Variants in CLTB observed in about 807,000 individuals in gnomAD.
CLTB encodes the protein clathrin, light chain (Lcb).
Under a neutral mutation model 30.5 loss-of-function variants are expected in CLTB, and 10 were observed. The observed-to-expected ratio is 0.33, with a 90% CI of 0.20 to 0.56. The LOEUF (loss-of-function observed/expected upper bound fraction) is 0.56. Ranked by LOEUF, CLTB falls within the 20% of genes least tolerant of loss-of-function variation. The pLI is 0.91. For missense variants in CLTB, 261 were observed against 308.3 expected, an observed-to-expected ratio of 0.85 and a Z score of 1.15; for synonymous variants, 102 against 120.3, an observed-to-expected ratio of 0.85 and a Z score of 1.00.
Position 176,416,303 on chromosome 5 carries a change from C to G in CLTB, c.61G>C (p.Glu21Gln). ...GCCAGGAAGGCGGCCGCCGGGTCCT[C>G]CTCCGCCGCCTCCGGGGCACCGCTC... ...SESGAPEAAE[E>Q]DPAAAFLAQQ... The change falls in exon 1 of 6, where the codon GAG becomes CAG. Residue 21 changes from glutamate (E) to glutamine (Q), a missense_variant. By Grantham distance (29) the Glu-to-Gln change is conservative (BLOSUM62 2). Transcript: ENST00000310418. 6.2e-7 allele frequency: 1 copy of G among 1,604,732 alleles called. No homozygotes were observed.
chr5:176,416,122 C>A (rs1289176021), intron 1 of CLTB, 55 bp downstream of exon 1: 10 of 1,432,912 alleles, frequency 7.0e-6, no homozygotes, highest in Admixed American at 6.3e-5. Flanking sequence ...GGGCCCCGGC[C>A]GGGGTCCCCC....
intron 2 of CLTB, among the ~76,000 whole-genome samples, chr5:176,404,435 G>T (rs1279792869): frequency 6.6e-6 from 1 of 152,178 alleles, no homozygotes; most frequent in Non-Finnish European, 1.5e-5. Context: ...CCTCTAATTC[G>T]CATTTTACAA....
At chr5:176,396,673 A>G in intron 4 of CLTB, 141 bp from the exon 5 acceptor site, 2 of 722,404 alleles carry the variant, frequency 2.8e-6, no homozygotes, top group Admixed American at 4.0e-5. Flanking sequence ...TAGTTCTGGA[A>G]GGCTCAGCAA....
intron 1 of CLTB, among the ~76,000 whole-genome samples, chr5:176,413,835 A>T (rs1757566825): frequency 6.6e-6 from 1 of 152,120 alleles, no homozygotes; most frequent in Non-Finnish European, 1.5e-5. Flanking sequence ...CCAACTAAGG[A>T]GGGCAGCTGA....
chr5:176,392,701 C>A lies in CLTB; in HGVS notation c.*73G>T. On this transcript the variant is annotated 3_prime_UTR_variant, in exon 6 of 6. Coordinates refer to ENST00000310418, the MANE Select transcript of CLTB (RefSeq NM_007097.5). This position sits in a 1 kb window ranked among gnomAD's most constrained non-coding sequence, Gnocchi z 5.2. ...GGGTAGCAGCTGCTGCGAGTCTCCA[C>A]CCCGACCAAAGCAGCTGCTCCTCCT... 1 of 1,555,230 alleles carries A rather than the reference C, an allele frequency of 6.4e-7. No homozygotes were observed. The highest frequency in any genetic ancestry group is 1.1e-5 in the South Asian group (1 of 87,554).
rs34807992 is a variant in CLTB at position 176,403,049 on chromosome 5, A to ATTT, written c.235-5005_235-5003dup. 2.8e-4 allele frequency among the ~76,000 whole-genome samples: 38 copies of ATTT among 138,014 alleles called. 1 individual carries two copies. The highest frequency in any genetic ancestry group is 3.8e-3 in the Middle Eastern group (1 of 266). The allele number at this position is 138,014 out of a possible 152,430, so 90.5% of individuals were successfully genotyped here. On this transcript the variant is annotated intron_variant, in intron 2 of 5. Transcript: ENST00000310418. ...CGCCATCTCCATAAAGCCTGCCCTA[A>ATTT]TTTTTTTTTTTTTTTTTTGAGGCGG...
At chr5:176,415,996 C>T (rs1757672828) in intron 1 of CLTB, among the ~76,000 whole-genome samples, 181 bp downstream of exon 1, 1 of 152,212 alleles carries the variant, frequency 6.6e-6, no homozygotes, top group African/African-American at 2.4e-5. Flanking sequence ...CAGCCCCAGG[C>T]GAGGCCTCAT....
chr5:176,397,765 A>C, intron 3 of CLTB, 47 bp from the exon 4 acceptor site: 1 of 1,578,564 alleles, frequency 6.3e-7, no homozygotes, highest in Middle Eastern at 1.7e-4. Context: ...GCTGGGATGC[A>C]CAGGCCCGGC....
intron 2 of CLTB, among the ~76,000 whole-genome samples, chr5:176,408,798 G>C (rs995584574): frequency 3.3e-5 from 5 of 152,198 alleles, no homozygotes; most frequent in Admixed American, 1.3e-4. Flanking sequence ...GGGATTACAG[G>C]CGTAAGCCGC....
chr5:176,400,211 A>G (rs183007067), intron 2 of CLTB, among the ~76,000 whole-genome samples: 1 of 151,954 alleles, frequency 6.6e-6, no homozygotes, highest in East Asian at 1.9e-4. Context: ...AAAAAAAAGA[A>G]AGAAAGAAAG....
At chr5:176,414,426 T>C (rs901396461) in intron 1 of CLTB, among the ~76,000 whole-genome samples, 30 of 142,828 alleles carry the variant, frequency 2.1e-4, no homozygotes, top group Admixed American at 1.5e-3. Flanking sequence ...GTGACTGCTA[T>C]AGAATCTTTT....
Position 176,416,161 on chromosome 5 carries a change from C to T in CLTB, c.187+16G>A. 3.2e-6 allele frequency: 5 copies of T among 1,553,712 alleles called. No homozygotes were observed. Among genetic ancestry groups the T allele is most frequent in the Non-Finnish European group, 4.3e-6 (5 of 1,156,964 alleles). The stretch of plus-strand genomic sequence containing the variant: ...TGCGCGCCCTGAGCCCCTCTCCAGG[C>T]CCCGCGCTGACTCACCCCCACTCGT... On this transcript the variant is annotated intron_variant, in intron 1 of 5. Coordinates refer to ENST00000310418, the MANE Select transcript of CLTB (RefSeq NM_007097.5).
At chr5:176,414,069 G>T (rs1757578893) in intron 1 of CLTB, among the ~76,000 whole-genome samples, 1 of 152,164 alleles carries the variant, frequency 6.6e-6, no homozygotes, top group Admixed American at 6.5e-5. Flanking sequence ...AGCTCCCTCA[G>T]GCATCTGGCT....
intron 2 of CLTB, among the ~76,000 whole-genome samples, chr5:176,404,221 T>A (rs1756982682): frequency 6.6e-6 from 1 of 152,218 alleles, no homozygotes; most frequent in African/African-American, 2.4e-5. Flanking sequence ...ATAGTTTGTG[T>A]GCCTGCTTGT....
intron 2 of CLTB, chr5:176,401,683 C>T (rs1465942559): frequency 2.2e-6 from 1 of 455,494 alleles, no homozygotes; most frequent in Admixed American, 2.4e-5. Flanking sequence ...ACTCGCTCGC[C>T]TTGTGTTGCA....
At position 176,416,408 on chromosome 5, in the gene CLTB, C is replaced by T. The variant is rs770301848; in HGVS notation, c.-45G>A. ...GAGCCTCCGCTGCGCTCGGCTCTGC[C>T]CGCGCCTGCCCCGCGCTGCGTCCGG... On this transcript the variant is annotated 5_prime_UTR_variant, in exon 1 of 6. Transcript: ENST00000310418. 1.6e-5 allele frequency: 23 copies of T among 1,473,048 alleles called. No individual in the cohort carries two copies. Among genetic ancestry groups the T allele is most frequent in the Non-Finnish European group, 1.6e-5 (18 of 1,114,718 alleles). 91.2% of individuals were successfully genotyped at this position (1,473,048 alleles called of 1,614,324 possible). A position where few individuals can be genotyped will look rare whatever the true frequency, so the allele number is the denominator to read the frequency against.
At chr5:176,410,190 T>A in intron 2 of CLTB, 67 bp downstream of exon 2, 1 of 1,345,416 alleles carries the variant, frequency 7.4e-7, no homozygotes, top group Non-Finnish European at 1.1e-6. Context: ...CCTACAACAA[T>A]GAGGCTTTAG....
At chr5:176,409,039 T>C (rs1393343589) in intron 2 of CLTB, among the ~76,000 whole-genome samples, 3 of 152,032 alleles carry the variant, frequency 2.0e-5, no homozygotes, top group Non-Finnish European at 4.4e-5. Flanking sequence ...TGCAGTGGCG[T>C]GATCTCGGCT....
rs188430096 is a variant in CLTB at position 176,394,279 on chromosome 5, C to T, written c.519-1334G>A. Among the ~76,000 whole-genome samples the T allele has an allele frequency of 1.1e-4, 17 of 152,336 alleles. No individual in the cohort carries two copies. In the East Asian group the frequency reaches 2.3e-3, roughly 21 times the overall value. The stretch of plus-strand genomic sequence containing the variant: ...CCATGGTCCAATGGCATCAGCATGA[C>T]GACAGAGCCTGTCAGAAATGCAGAC... On this transcript the variant is annotated intron_variant, in intron 5 of 5. Transcript: ENST00000310418.
Sources: allele counts gnomAD v4.1 joint callset (sites outside exome capture counted in the v4.1 genomes callset), GRCh38; gene constraint gnomAD v4.1.1; non-coding constraint Gnocchi (gnomAD v3.1); transcripts MANE v1.5; gene names NCBI Gene and HGNC (gene_info 2026-07-23, HGNC 2026-07-21).